DNAJC25: variants seen among roughly 807,000 people sequenced by gnomAD.
DNAJC25 encodes dnaJ homolog subfamily C member 25.
A neutral mutation model predicts 42.1 loss-of-function variants in DNAJC25; 26 were observed. The observed-to-expected ratio is 0.62, with a 90% CI of 0.45 to 0.86. DNAJC25 has a LOEUF of 0.86. Among genes scored for constraint, DNAJC25 ranks in the 40% least tolerant of loss-of-function variants. The pLI, the probability that DNAJC25 is intolerant of heterozygous loss-of-function variation, is 0.00. For missense variants in DNAJC25, 404 were observed against 459.4 expected, an observed-to-expected ratio of 0.88 and a Z score of 1.10; for synonymous variants, 189 against 179.9, an observed-to-expected ratio of 1.05 and a Z score of -0.40.
chr9:111,647,180 A>G lies in DNAJC25; in HGVS notation c.410A>G (p.Tyr137Cys), dbSNP rs776603503. Residue 137 changes from tyrosine (Y) to cysteine (C), a missense_variant, in exon 2 of 4, where the codon TAC (tyrosine) becomes TGC (cysteine). Transcript: ENST00000313525. Reference protein sequence around the residue: ...PEEYYSHYYHYYSRRLAPKVD... With the variant: ...PEEYYSHYYHCYSRRLAPKVD... Reference sequence around the variant, plus strand: ...GAGTACTACAGCCATTACTACCACTACTATAGCAGGCGCTTGGCCCCTAAG... The same window carrying G: ...GAGTACTACAGCCATTACTACCACTGCTATAGCAGGCGCTTGGCCCCTAAG... 5.0e-6 allele frequency: 8 copies of G among 1,614,044 alleles called. No individual in the cohort carries two copies. The highest frequency in any genetic ancestry group is 1.3e-5 in the African/African-American group (1 of 74,930).
At chr9:111,638,472 G>A (rs1436018229) in intron 1 of DNAJC25, among the ~76,000 whole-genome samples, 1 of 152,200 alleles carries the variant, frequency 6.6e-6, no homozygotes, top group African/African-American at 2.4e-5. Context: ...TGCAGGAATA[G>A]ATAATCCTTG....
At position 111,649,867 on chromosome 9, in the gene DNAJC25, G is replaced by T; in HGVS notation, c.904G>T (p.Asp302Tyr). 2 of 1,602,792 alleles carry T rather than the reference G, an allele frequency of 1.2e-6. No homozygotes were observed. The highest frequency in any genetic ancestry group is 2.2e-5 in the East Asian group (1 of 44,800). The change falls in exon 3 of 4, where the codon GAT (aspartate) becomes TAT (tyrosine). Residue 302 changes from aspartate (D) to tyrosine (Y), a missense_variant. By Grantham distance (160) the Asp-to-Tyr change is radical. Coordinates refer to ENST00000313525, the MANE Select transcript of DNAJC25 (RefSeq NM_001015882.3). The stretch of plus-strand genomic sequence containing the variant: ...AAAGTCTCAATTTGATAGTCTAGAA[G>T]ATCATCAGAAAGAAACTTTTCTTAA... ...MSKSQFDSLEDHQKETFLKRE... is the reference protein window; with the variant it reads ...MSKSQFDSLEYHQKETFLKRE...
chr9:111,649,159 C>G (rs560233968), intron 2 of DNAJC25, among the ~76,000 whole-genome samples: 1 of 151,964 alleles, frequency 6.6e-6, no homozygotes, highest in South Asian at 2.1e-4. Flanking sequence ...GGTAAAGATA[C>G]GAACCACAGG....
Position 111,639,904 on chromosome 9 carries a change from C to CTCCGTCTCCG in DNAJC25, c.337-7201_337-7200insCGTCTCCGTC, listed in dbSNP as rs1564083772. On this transcript the variant is annotated intron_variant, in intron 1 of 3. Transcript: ENST00000313525. ...CTTTAAAGGCAAGGAGGAGCTCTCC[C>CTCCGTCTCCG]TCTCCCTCTCCCTCTCCCTCTCCCT... Among the ~76,000 whole-genome samples, 234 of 72,276 alleles carry CTCCGTCTCCG rather than the reference C, an allele frequency of 3.2e-3. 4 individuals carry two copies. The highest frequency in any genetic ancestry group is 8.9e-3 in the African/African-American group (223 of 24,972). The allele number at this position is 72,276 out of a possible 152,430, so 47.4% of individuals were successfully genotyped here.
intron 1 of DNAJC25, among the ~76,000 whole-genome samples, chr9:111,639,734 T>C (rs1433931830): frequency 2.0e-5 from 3 of 149,592 alleles, no homozygotes; most frequent in African/African-American, 7.4e-5. Flanking sequence ...TAAAAAAAAA[T>C]AGTAAGATTA....
intron 1 of DNAJC25, among the ~76,000 whole-genome samples, chr9:111,646,290 T>A (rs1285276450): frequency 3.3e-5 from 5 of 152,218 alleles, no homozygotes; most frequent in Non-Finnish European, 1.5e-5. Flanking sequence ...TTATCCCTGT[T>A]AGAAATTGAT....
chr9:111,636,248 A>C (rs1312673815), intron 1 of DNAJC25, among the ~76,000 whole-genome samples: 1 of 152,176 alleles, frequency 6.6e-6, no homozygotes, highest in Non-Finnish European at 1.5e-5. Context: ...TGATCAACAG[A>C]AACATAGAGT....
chr9:111,636,821 T>C (rs568989905), intron 1 of DNAJC25, among the ~76,000 whole-genome samples: 3 of 152,184 alleles, frequency 2.0e-5, no homozygotes, highest in Admixed American at 6.5e-5. Flanking sequence ...ATAGTAATGT[T>C]TCCCATGGCC....
intron 3 of DNAJC25, 66 bp downstream of exon 3, chr9:111,649,989 T>C: frequency 7.3e-7 from 1 of 1,374,318 alleles, no homozygotes; most frequent in Non-Finnish European, 9.7e-7. Flanking sequence ...AGGTGTATTA[T>C]AATGAGGGAT....
chr9:111,650,593 C>G (rs893395117), intron 3 of DNAJC25, among the ~76,000 whole-genome samples: 1 of 152,126 alleles, frequency 6.6e-6, no homozygotes, highest in Non-Finnish European at 1.5e-5. Flanking sequence ...GTTTTAGATT[C>G]AGGATAAAAT....
chr9:111,648,105 A>G (rs1830594853), intron 2 of DNAJC25, among the ~76,000 whole-genome samples: 1 of 152,214 alleles, frequency 6.6e-6, no homozygotes, highest in Non-Finnish European at 1.5e-5. Context: ...AAAGTATCAC[A>G]AAAATTTAAC....
At chr9:111,650,914 T>A (rs1830648862) in intron 3 of DNAJC25, among the ~76,000 whole-genome samples, 1 of 152,210 alleles carries the variant, frequency 6.6e-6, no homozygotes, top group South Asian at 2.1e-4. Context: ...GAATTATATT[T>A]ATGTAAATTA....
At chr9:111,651,156 C>T (rs545626154) in intron 3 of DNAJC25, among the ~76,000 whole-genome samples, 5 of 150,166 alleles carry the variant, frequency 3.3e-5, no homozygotes, top group South Asian at 2.1e-4. Context: ...CCTAGCTACT[C>T]GGGAGGCTGA....
At chr9:111,635,472 T>A (rs957740774) in intron 1 of DNAJC25, among the ~76,000 whole-genome samples, 5 of 152,194 alleles carry the variant, frequency 3.3e-5, no homozygotes, top group African/African-American at 1.2e-4. Context: ...AGTGAAAAAT[T>A]CCTGCATGAG....
At chr9:111,647,365 C>A in intron 2 of DNAJC25, 106 bp downstream of exon 2, 1 of 1,405,942 alleles carries the variant, frequency 7.1e-7, no homozygotes, top group Non-Finnish European at 9.6e-7. Context: ...TAAAATTTTA[C>A]TTCTAGTTGA....
At chr9:111,647,348 C>T (rs1478841535) in intron 2 of DNAJC25, 89 bp downstream of exon 2, 7 of 1,461,212 alleles carry the variant, frequency 4.8e-6, no homozygotes, top group Non-Finnish European at 6.4e-6. Flanking sequence ...CTGCGAGTAT[C>T]TTCTTGTAAA....
intron 1 of DNAJC25, among the ~76,000 whole-genome samples, chr9:111,635,220 CTCTT>C (rs1463624610): frequency 1.3e-5 from 2 of 152,208 alleles, no homozygotes; most frequent in African/African-American, 4.8e-5. Context: ...GAGTAGGTCT[CTCTT>C]TCCTACTAAA....
Position 111,631,483 on chromosome 9 carries a change from C to G in DNAJC25, c.76C>G (p.Leu26Val). 1 of 1,323,632 alleles carries G rather than the reference C, an allele frequency of 7.6e-7. No individual in the cohort carries two copies. Among genetic ancestry groups the G allele is most frequent in the South Asian group, 2.1e-5 (1 of 46,666 alleles). The allele number at this position is 1,323,632 out of a possible 1,614,324, so 82.0% of individuals were successfully genotyped here. A position where few individuals can be genotyped will look rare whatever the true frequency, so the allele number is the denominator to read the frequency against. ...GCGCTGGTGGATGCTGCTGGCGCCC[C>G]TGCTGCCGGCGCTGCTGCTGGTGCG... ...GRRWWMLLAP[L>V]LPALLLVRPA... Residue 26 changes from leucine (L) to valine (V), a missense_variant, in exon 1 of 4, where the codon CTG becomes GTG. Physicochemically the swap from Leu to Val is conservative, Grantham distance 32. Transcript: ENST00000313525.
chr9:111,643,017 A>G, intron 1 of DNAJC25: 1 of 440,828 alleles, frequency 2.3e-6, no homozygotes, highest in Non-Finnish European at 4.8e-6. Context: ...TGGTTTTGGA[A>G]AGAAGTTGGA....
Sources: allele counts gnomAD v4.1 joint callset (sites outside exome capture counted in the v4.1 genomes callset), GRCh38; gene constraint gnomAD v4.1.1; transcripts MANE v1.5; gene names NCBI Gene and HGNC (gene_info 2026-07-23, HGNC 2026-07-21).